Variants in ELMO1 observed in about 807,000 individuals in gnomAD.
The protein encoded by ELMO1 is engulfment and cell motility 1.
In ELMO1, 26 loss-of-function variants were observed where a neutral mutation model predicts 98.9. The observed-to-expected ratio is 0.26, with a 90% CI of 0.19 to 0.36. The LOEUF (loss-of-function observed/expected upper bound fraction) is 0.36. Ranked by LOEUF, ELMO1 falls within the 10% of genes least tolerant of loss-of-function variation. ELMO1 has a pLI of 1.00. For synonymous variants in ELMO1, 346 were observed against 346.0 expected (o/e 1.00, Z 0.00); for missense variants, 627 against 935.2 (o/e 0.67, Z 4.30).
intron 1 of ELMO1, among the ~76,000 whole-genome samples, chr7:37,399,929 C>G (rs1025795434): frequency 6.6e-6 from 1 of 152,110 alleles, no homozygotes; most frequent in African/African-American, 2.4e-5. Context: ...AAATGCATTC[C>G]AAAATTTACT....
intron 19 of ELMO1, among the ~76,000 whole-genome samples, chr7:36,876,376 T>C (rs868692666): frequency 1.3e-5 from 2 of 151,330 alleles, no homozygotes; most frequent in South Asian, 4.3e-4. Flanking sequence ...TATTAAACTT[T>C]AGATTTTATT....
chr7:37,132,896 T>C, intron 14 of ELMO1: 1 of 326,310 alleles, frequency 3.1e-6, no homozygotes, highest in Non-Finnish European at 5.5e-6. Flanking sequence ...AATGTTTTCC[T>C]AGTATCTACC....
intron 14 of ELMO1, among the ~76,000 whole-genome samples, chr7:37,128,223 A>G (rs138429289): frequency 3.8e-3 from 576 of 152,148 alleles, no homozygotes; most frequent in Middle Eastern, 6.8e-3. Context: ...AAAAAACATA[A>G]ACATAAAAAA....
At chr7:37,418,321 C>A (rs1804317686) in intron 1 of ELMO1, among the ~76,000 whole-genome samples, 1 of 152,182 alleles carries the variant, frequency 6.6e-6, no homozygotes, top group Non-Finnish European at 1.5e-5. Context: ...TTAGAGCATT[C>A]TACCCCTAAG....
chr7:37,036,334 G>A (rs1383785817), intron 15 of ELMO1, among the ~76,000 whole-genome samples: 1 of 152,082 alleles, frequency 6.6e-6, no homozygotes, highest in Non-Finnish European at 1.5e-5. Flanking sequence ...CTTTGAAGAT[G>A]CTTAATATCA....
chr7:37,275,236 G>A (rs1379704453), intron 4 of ELMO1, among the ~76,000 whole-genome samples: 1 of 152,172 alleles, frequency 6.6e-6, no homozygotes, highest in Non-Finnish European at 1.5e-5. Flanking sequence ...AATGCTCCTC[G>A]GAGTCCCAGG....
intron 14 of ELMO1, among the ~76,000 whole-genome samples, chr7:37,102,434 G>A (rs1223836188): frequency 5.3e-5 from 8 of 152,176 alleles, no homozygotes; most frequent in Admixed American, 2.0e-4. Flanking sequence ...TATAGAAAGT[G>A]TGCCAAGCAC....
intron 16 of ELMO1, among the ~76,000 whole-genome samples, chr7:36,918,466 C>T (rs755338079): frequency 3.3e-5 from 5 of 152,122 alleles, no homozygotes; most frequent in Non-Finnish European, 7.4e-5. Context: ...AAGGCTAGTT[C>T]TCCACCCTGG....
At chr7:37,443,299 A>T (rs1443514346) in intron 1 of ELMO1, among the ~76,000 whole-genome samples, 1 of 152,224 alleles carries the variant, frequency 6.6e-6, no homozygotes, top group Non-Finnish European at 1.5e-5. Context: ...GTTAGAACTA[A>T]AACAGTCAAA....
chr7:37,165,761 G>A (rs1346234793), intron 13 of ELMO1, among the ~76,000 whole-genome samples: 3 of 152,064 alleles, frequency 2.0e-5, no homozygotes, highest in Non-Finnish European at 4.4e-5. Flanking sequence ...GAGGATTTTT[G>A]CATCAATGTT....
At chr7:37,145,292 C>T (rs1787912626) in intron 13 of ELMO1, among the ~76,000 whole-genome samples, 1 of 152,212 alleles carries the variant, frequency 6.6e-6, no homozygotes, top group Non-Finnish European at 1.5e-5. Flanking sequence ...CCAGATCTAC[C>T]ATTCCTCAAA....
Position 36,997,296 on chromosome 7 carries a change from T to C in ELMO1, c.1437+16003A>G, listed in dbSNP as rs139657415. ...AGGAAAATGATTTTGTTTTTTTCTG[T>C]CTTAACAACACCTTTAGATTTTCTT... is the stretch of plus-strand genomic sequence containing the variant. On this transcript the variant is annotated intron_variant, in intron 16 of 21. Transcript: ENST00000310758. Among the ~76,000 whole-genome samples the C allele has an allele frequency of 1.9e-3, 283 of 152,302 alleles. 2 individuals carry two copies. The highest frequency in any genetic ancestry group is 6.4e-3 in the African/African-American group (267 of 41,552).
chr7:36,859,562 G>T (rs980893580), intron 21 of ELMO1, among the ~76,000 whole-genome samples: 2 of 152,104 alleles, frequency 1.3e-5, no homozygotes, highest in African/African-American at 2.4e-5. Flanking sequence ...ACAGTGCAGG[G>T]GTTAAGTGTA....
chr7:37,071,091 T>C (rs1033821819), intron 15 of ELMO1, among the ~76,000 whole-genome samples: 1 of 152,328 alleles, frequency 6.6e-6, no homozygotes, highest in East Asian at 1.9e-4. Context: ...GGTTACATGA[T>C]GGTATACAAT....
intron 16 of ELMO1, among the ~76,000 whole-genome samples, chr7:36,897,336 G>GTGTGTGTGTGTA (rs1554351190): frequency 8.8e-5 from 13 of 148,328 alleles, no homozygotes; most frequent in Admixed American, 5.3e-4. Flanking sequence ...GTGTGTGTGT[G>GTGTGTGTGTGTA]TGTGTGTGTG....
intron 15 of ELMO1, among the ~76,000 whole-genome samples, chr7:37,094,833 GC>G (rs1784441852): frequency 6.6e-6 from 1 of 152,214 alleles, no homozygotes; most frequent in Non-Finnish European, 1.5e-5. Context: ...GGAGCACAGT[GC>G]GGTTTGTGAG....
At chr7:36,861,758 A>G in intron 20 of ELMO1, 22 bp from the exon 21 acceptor site, 1 of 1,610,290 alleles carries the variant, frequency 6.2e-7, no homozygotes, top group African/African-American at 1.3e-5. Context: ...GAGAGAAAAC[A>G]GCACCTTAAG....
At chr7:37,116,113 G>C (rs1298510814) in intron 14 of ELMO1, among the ~76,000 whole-genome samples, 1 of 152,144 alleles carries the variant, frequency 6.6e-6, no homozygotes, top group Non-Finnish European at 1.5e-5. Context: ...GAGAAAAACA[G>C]AAGAGAGAGG....
At chr7:36,902,472 TC>T (rs1298833950) in intron 16 of ELMO1, among the ~76,000 whole-genome samples, 31 of 152,320 alleles carry the variant, frequency 2.0e-4, no homozygotes, top group African/African-American at 7.0e-4. Flanking sequence ...TAAGTCCTCC[TC>T]TGTAGGATGG....
Sources: gnomAD v4.1 joint callset for allele counts (sites outside exome capture counted in the v4.1 genomes callset) on GRCh38, gnomAD v4.1.1 for gene constraint, MANE v1.5 for transcripts, NCBI Gene and HGNC (gene_info 2026-07-23, HGNC 2026-07-21) for gene names.